Variants in TINAG observed in about 807,000 individuals in gnomAD.
TINAG encodes the protein tubulointerstitial nephritis antigen.
Under a neutral mutation model 72.7 loss-of-function variants are expected in TINAG, and 83 were observed. That is an observed-to-expected ratio of 1.14 (90% confidence interval 0.96 to 1.37). The LOEUF (loss-of-function observed/expected upper bound fraction) is 1.37, where lower values mean the gene tolerates loss of function less well. TINAG is among the 40% of genes most tolerant of loss of function. The pLI is 0.00. For synonymous variants in TINAG, 234 were observed against 189.9 expected (o/e 1.23, Z -1.91); for missense variants, 685 against 576.6 (o/e 1.19, Z -1.93).
chr6:54,360,874 A>ATTTTTTTTTTTTTTT (rs1763214591), intron 9 of TINAG, among the ~76,000 whole-genome samples: 1 of 25,016 alleles, frequency 4.0e-5, no homozygotes. Context: ...TTTTTTTTTC[A>ATTTTTTTTTTTTTTT]AATTGAAAGT....
chr6:54,336,021 T>A (rs1473875557), intron 4 of TINAG, among the ~76,000 whole-genome samples: 1 of 152,048 alleles, frequency 6.6e-6, no homozygotes. Flanking sequence ...CATCCTGAAT[T>A]CCTGGGGAAG....
At chr6:54,379,096 A>G (rs1025801115) in intron 9 of TINAG, among the ~76,000 whole-genome samples, 2 of 152,198 alleles carry the variant, frequency 1.3e-5, no homozygotes, top group Non-Finnish European at 2.9e-5. Flanking sequence ...ATGACAGACC[A>G]TAATTTAGCT....
intron 1 of TINAG, among the ~76,000 whole-genome samples, chr6:54,311,485 A>G (rs573160813): frequency 1.7e-3 from 263 of 152,316 alleles, no homozygotes; most frequent in Non-Finnish European, 3.1e-3. Context: ...TAGCTGCATT[A>G]GTTTATGTTC....
Position 54,308,893 on chromosome 6 carries a change from T to C in TINAG, c.343T>C (p.Trp115Arg). 6.2e-7 allele frequency: 1 copy of C among 1,608,366 alleles called. No individual in the cohort carries two copies. The highest frequency in any genetic ancestry group is 8.5e-7 in the Non-Finnish European group (1 of 1,177,180). The change falls in exon 1 of 11, where the codon TGG becomes CGG. Residue 115 changes from tryptophan to arginine, a missense_variant. Trp to Arg is a moderately radical substitution (Grantham distance 101). Transcript: ENST00000259782. ...EKEWPPHTQP[W>R]YPEGCFKDGQ... Reference sequence around the variant, plus strand: ...AGAATGGCCTCCTCACACACAGCCTTGGTATCCAGAAGGTAGGCTTTGGGA... The same window carrying C: ...AGAATGGCCTCCTCACACACAGCCTCGGTATCCAGAAGGTAGGCTTTGGGA...
chr6:54,366,087 TC>T (rs1763405946), intron 9 of TINAG, among the ~76,000 whole-genome samples: 1 of 151,592 alleles, frequency 6.6e-6, no homozygotes, highest in African/African-American at 2.4e-5. Context: ...GTAGTAGAAC[TC>T]TCACGAAATA....
At chr6:54,363,980 A>G (rs774321829) in intron 9 of TINAG, among the ~76,000 whole-genome samples, 65 of 151,540 alleles carry the variant, frequency 4.3e-4, no homozygotes, top group Non-Finnish European at 1.6e-4. Context: ...TTTGGTGTTT[A>G]GAGTAGTGGT....
intron 10 of TINAG, among the ~76,000 whole-genome samples, chr6:54,387,541 G>A (rs557896981): frequency 2.8e-4 from 42 of 152,268 alleles, no homozygotes; most frequent in Non-Finnish European, 2.9e-4. Flanking sequence ...CTGATGGGGA[G>A]TGGAGGGTGG....
At chr6:54,330,560 G>A (rs1784714117) in intron 4 of TINAG, among the ~76,000 whole-genome samples, 1 of 152,040 alleles carries the variant, frequency 6.6e-6, no homozygotes, top group African/African-American at 2.4e-5. Context: ...AGAAGCAAGA[G>A]CAAACAAATT....
intron 9 of TINAG, among the ~76,000 whole-genome samples, chr6:54,377,329 T>G: frequency 6.6e-6 from 1 of 151,850 alleles, no homozygotes; most frequent in East Asian, 1.9e-4. Context: ...CTGGCCAACA[T>G]GGTGAAACTC....
intron 6 of TINAG, among the ~76,000 whole-genome samples, chr6:54,348,232 T>C (rs1003140451): frequency 6.6e-6 from 1 of 152,138 alleles, no homozygotes; most frequent in Admixed American, 6.6e-5. Context: ...TGTCAGATTT[T>C]GATGGGTTGC....
intron 6 of TINAG, among the ~76,000 whole-genome samples, chr6:54,347,843 C>T (rs1286823407): frequency 6.6e-6 from 1 of 152,052 alleles, no homozygotes; most frequent in East Asian, 1.9e-4. Context: ...ATCAGGGTTG[C>T]TGATCTCTCT....
chr6:54,380,314 T>C (rs1433419768), intron 9 of TINAG, among the ~76,000 whole-genome samples: 1 of 152,116 alleles, frequency 6.6e-6, no homozygotes, highest in Non-Finnish European at 1.5e-5. Context: ...TATATATAAA[T>C]GAGTCTGTTC....
rs115795527 is a variant in TINAG at position 54,328,145 on chromosome 6, G to T, written c.624+1229G>T. ...AAGGACAGACTGCCTCCTCAAGTGG[G>T]TTCCTGACCCCCCATGCCTCTTGAC... On this transcript the variant is annotated intron_variant, in intron 4 of 10. Transcript: ENST00000259782. 4.0e-3 allele frequency among the ~76,000 whole-genome samples: 603 copies of T among 152,242 alleles called. 2 individuals carry two copies. Among genetic ancestry groups the T allele is most frequent in the African/African-American group, 0.014 (568 of 41,538 alleles).
At chr6:54,329,246 G>T (rs1057230151) in intron 4 of TINAG, among the ~76,000 whole-genome samples, 6 of 152,126 alleles carry the variant, frequency 3.9e-5, no homozygotes, top group African/African-American at 1.4e-4. Context: ...TATCCACAAA[G>T]GGAAGCCCAT....
intron 9 of TINAG, among the ~76,000 whole-genome samples, chr6:54,360,145 G>A (rs1300894972): frequency 6.6e-6 from 1 of 151,626 alleles, no homozygotes; most frequent in Admixed American, 6.6e-5. Context: ...GGTGATAAAG[G>A]CTATATATTC....
chr6:54,348,567 G>A (rs1005994399), intron 6 of TINAG, among the ~76,000 whole-genome samples: 3 of 152,006 alleles, frequency 2.0e-5, no homozygotes, highest in African/African-American at 7.2e-5. Context: ...CTTTCAGATG[G>A]ACACCTTCTC....
chr6:54,335,671 T>C (rs571265517), intron 4 of TINAG, among the ~76,000 whole-genome samples: 3 of 152,302 alleles, frequency 2.0e-5, no homozygotes, highest in Non-Finnish European at 4.4e-5. Context: ...AGCTAGTTCT[T>C]AGTCTGTTGA....
intron 4 of TINAG, 108 bp from the exon 5 acceptor site, chr6:54,343,118 G>A (rs1785037422): frequency 5.0e-6 from 5 of 990,316 alleles, no homozygotes; most frequent in African/African-American, 3.4e-5. Flanking sequence ...AAACTTGGAT[G>A]TATAAAATAA....
intron 1 of TINAG, among the ~76,000 whole-genome samples, chr6:54,311,379 C>T (rs1421331213): frequency 6.6e-6 from 1 of 152,166 alleles, no homozygotes; most frequent in African/African-American, 2.4e-5. Context: ...CAGCCTCATG[C>T]ATGCCTTCTT....
Sources: gnomAD v4.1 joint callset for allele counts (sites outside exome capture counted in the v4.1 genomes callset) on GRCh38, gnomAD v4.1.1 for gene constraint, MANE v1.5 for transcripts, NCBI Gene and HGNC (gene_info 2026-07-23, HGNC 2026-07-21) for gene names.